The following UBE3D variants were observed in gnomAD, a reference collection of about 807,000 sequenced individuals.
UBE3D encodes the protein ubiquitin protein ligase E3D, also known as E3 ubiquitin-protein ligase E3D.
In UBE3D, 48 loss-of-function variants were observed where a neutral mutation model predicts 49.6. The observed-to-expected ratio is 0.97, with a 90% CI of 0.77 to 1.23. The LOEUF is 1.23. Ranked by LOEUF, UBE3D falls within the 50% of genes most tolerant of loss-of-function variation. The pLI is 0.00. For missense variants in UBE3D, 452 were observed against 468.4 expected (o/e 0.96, Z 0.32); for synonymous variants, 189 against 174.2 (o/e 1.08, Z -0.67).
chr6:82,955,494 C>G (rs1275833400), intron 9 of UBE3D, among the ~76,000 whole-genome samples: 1 of 152,092 alleles, frequency 6.6e-6, no homozygotes, highest in Non-Finnish European at 1.5e-5. Context: ...CAAAGATAAC[C>G]ACTGTTAAGT....
chr6:83,024,977 CGACTTT>C (rs1413366625), intron 5 of UBE3D, among the ~76,000 whole-genome samples: 1 of 152,150 alleles, frequency 6.6e-6, no homozygotes, highest in Admixed American at 6.5e-5. Flanking sequence ...GATTCAAGCT[CGACTTT>C]TATTCACTTG....
At chr6:82,974,132 G>A (rs1203597118) in intron 8 of UBE3D, among the ~76,000 whole-genome samples, 1 of 152,024 alleles carries the variant, frequency 6.6e-6, no homozygotes, top group Non-Finnish European at 1.5e-5. Context: ...AAAAGGAATG[G>A]CAAAAATTGC....
Position 82,957,411 on chromosome 6 carries a change from C to T in UBE3D, c.1050G>A (p.Pro350=), listed in dbSNP as rs776957531. The T allele has an allele frequency of 1.3e-5, 21 of 1,613,854 alleles. No homozygotes were observed. In the East Asian group the frequency reaches 3.6e-4, roughly 27 times the overall value. ...SLWESDISVH[P]LTLPSATCLE... ...AGCAGGTTGCAGAGGGCAGGGTTAG[C>T]GGGTGGACGCTGATGTCACTTTCCC... The change falls in exon 9 of 10, where the codon CCG becomes CCA. Residue 350 remains proline (P), a synonymous_variant. Coordinates refer to ENST00000369747, the MANE Select transcript of UBE3D (RefSeq NM_198920.3).
At chr6:82,888,501 T>G (rs4706973), downstream of UBE3D, among the ~76,000 whole-genome samples, 49,449 of 151,782 alleles carry the variant, frequency 0.33, 9,416 homozygotes, top group African/African-American at 0.51. Flanking sequence ...TAATCAGGCT[T>G]TGTATAATAG....
Position 83,044,551 on chromosome 6 carries a change from C to A in UBE3D, c.474G>T (p.Glu158Asp). 3 of 1,614,148 alleles carry A rather than the reference C, an allele frequency of 1.9e-6. No homozygotes were observed. The highest frequency in any genetic ancestry group is 2.5e-6 in the Non-Finnish European group (3 of 1,180,010). ...AAGAGTCTCCAATAAAACAGTCATT[C>A]TCTTGCGGATGAAGTGATTTATTAG... ...PFANKSLHPQ[E>D]NDCFIGDSFF... Residue 158 changes from glutamate to aspartate, a missense_variant, in exon 4 of 10, where the codon GAG becomes GAT. Physicochemically the swap from Glu to Asp is conservative, Grantham distance 45. Coordinates refer to ENST00000369747, the MANE Select transcript of UBE3D (RefSeq NM_198920.3).
intron 7 of UBE3D, among the ~76,000 whole-genome samples, chr6:83,021,503 G>GA (rs377167631): frequency 0.022 from 3,066 of 140,802 alleles, 49 homozygotes; most frequent in Admixed American, 0.061. Context: ...TACTAAATAG[G>GA]AAAAAAAAAA....
intron 2 of UBE3D, among the ~76,000 whole-genome samples, chr6:83,055,291 G>A (rs1783745276): frequency 6.6e-6 from 1 of 152,104 alleles, no homozygotes; most frequent in Non-Finnish European, 1.5e-5. Context: ...AAAGAAATGA[G>A]GTCATATCCA....
At chr6:83,061,123 C>A (rs908847994) in intron 1 of UBE3D, among the ~76,000 whole-genome samples, 2 of 152,186 alleles carry the variant, frequency 1.3e-5, no homozygotes, top group African/African-American at 2.4e-5. Context: ...CTGTTATATT[C>A]CTGCCAAAGA....
chr6:82,904,742 T>TTG (rs1268445306), intron 9 of UBE3D, among the ~76,000 whole-genome samples: 1 of 152,172 alleles, frequency 6.6e-6, no homozygotes, highest in Non-Finnish European at 1.5e-5. Context: ...AAATGACTAA[T>TTG]TGTGTATATA....
intron 7 of UBE3D, among the ~76,000 whole-genome samples, chr6:83,019,346 A>T (rs911822001): frequency 6.6e-6 from 1 of 151,880 alleles, no homozygotes; most frequent in Non-Finnish European, 1.5e-5. Context: ...AAGACAACTG[A>T]CTCGGAGAAA....
At chr6:83,058,371 G>T (rs1428026976) in intron 1 of UBE3D, among the ~76,000 whole-genome samples, 4 of 152,140 alleles carry the variant, frequency 2.6e-5, no homozygotes, top group Non-Finnish European at 5.9e-5. Flanking sequence ...GTGAAACAAT[G>T]ATACAAGACA....
chr6:82,911,207 A>T, intron 9 of UBE3D, among the ~76,000 whole-genome samples: 1 of 149,888 alleles, frequency 6.7e-6, no homozygotes, highest in African/African-American at 2.5e-5. Flanking sequence ...AAAAAAAAAA[A>T]AAAAAAAAAA....
At chr6:82,886,604 C>T in the UBE3D span, among the ~76,000 whole-genome samples, 1 of 152,188 alleles carries the variant, frequency 6.6e-6, no homozygotes, top group Non-Finnish European at 1.5e-5. Context: ...CTAAAATTGC[C>T]AGGAGCAATT....
chr6:83,026,363 A>G (rs186495281), intron 5 of UBE3D, among the ~76,000 whole-genome samples: 2 of 152,072 alleles, frequency 1.3e-5, no homozygotes, highest in Admixed American at 6.5e-5. Flanking sequence ...AGGCAAGAGG[A>G]CTGTTTGAGC....
At chr6:82,974,752 A>G (rs1465748645) in intron 8 of UBE3D, among the ~76,000 whole-genome samples, 1 of 148,598 alleles carries the variant, frequency 6.7e-6, no homozygotes, top group Admixed American at 6.9e-5. Context: ...AAGGTAGTTA[A>G]GCACCTGAAT....
rs879881468 is a variant in UBE3D, at chr6:82,939,062, T to TA, written c.1149+18249dup. Reference sequence around the variant, plus strand: ...GAGTGAGACTGGACACCCTGTCTATTAAAAAAAAAAAAAAGAACGAGTACC... The same window carrying TA: ...GAGTGAGACTGGACACCCTGTCTATTAAAAAAAAAAAAAAAGAACGAGTACC... On this transcript the variant is annotated intron_variant, in intron 9 of 9. Transcript: ENST00000369747. 6.2e-3 allele frequency among the ~76,000 whole-genome samples: 878 copies of TA among 140,938 alleles called. 9 individuals are homozygous for TA. The highest frequency in any genetic ancestry group is 0.018 in the African/African-American group (705 of 38,370). The allele number at this position is 140,938 out of a possible 152,430, so 92.5% of individuals were successfully genotyped here.
At chr6:83,005,459 A>C (rs1382930804) in intron 8 of UBE3D, among the ~76,000 whole-genome samples, 3 of 152,120 alleles carry the variant, frequency 2.0e-5, no homozygotes, top group African/African-American at 7.2e-5. Context: ...CTATCATATA[A>C]TCCAGCAAAC....
intron 9 of UBE3D, among the ~76,000 whole-genome samples, chr6:82,903,439 C>A (rs1389876371): frequency 6.6e-6 from 1 of 152,116 alleles, no homozygotes; most frequent in Non-Finnish European, 1.5e-5. Context: ...GGAGAGCCAA[C>A]AGGATAGATG....
At chr6:82,967,085 G>A (rs1350878580) in intron 8 of UBE3D, among the ~76,000 whole-genome samples, 5 of 151,622 alleles carry the variant, frequency 3.3e-5, no homozygotes, top group Admixed American at 6.6e-5. Context: ...TTACTCTGTC[G>A]AGCTGGCATC....
Sources: gnomAD v4.1 joint callset for allele counts (sites outside exome capture counted in the v4.1 genomes callset) on GRCh38, gnomAD v4.1.1 for gene constraint, MANE v1.5 for transcripts, NCBI Gene and HGNC (gene_info 2026-07-23, HGNC 2026-07-21) for gene names.